Variants in ANKHD1 observed in about 807,000 individuals in gnomAD.
ANKHD1 encodes ankyrin repeat and KH domain-containing protein 1.
Under a neutral mutation model 230.5 loss-of-function variants are expected in ANKHD1, and 31 were observed. The observed-to-expected ratio is 0.13, with a 90% CI of 0.10 to 0.18. The LOEUF is 0.18. ANKHD1 is among the 10% of genes least tolerant of loss of function. The pLI is 1.00. For missense variants in ANKHD1, 2,256 were observed against 3,071.3 expected, an observed-to-expected ratio of 0.73 and a Z score of 6.27; for synonymous variants, 1,074 against 1,117.6, an observed-to-expected ratio of 0.96 and a Z score of 0.78.
At chr5:140,404,788 G>C (rs1041173859) in intron 1 of ANKHD1, among the ~76,000 whole-genome samples, 1 of 150,244 alleles carries the variant, frequency 6.7e-6, no homozygotes, top group Non-Finnish European at 1.5e-5. Flanking sequence ...TCAAACTCCT[G>C]GGCTCGGGTG....
chr5:140,484,974 T>A, intron 11 of ANKHD1, 147 bp from the exon 12 acceptor site: 1 of 1,287,532 alleles, frequency 7.8e-7, no homozygotes, highest in Middle Eastern at 3.0e-4. Flanking sequence ...GTGTTCATTT[T>A]GTGAAAAAAA....
At chr5:140,458,595 C>T (rs748856776) in intron 7 of ANKHD1, 30 bp from the exon 8 acceptor site, 1 of 1,569,820 alleles carries the variant, frequency 6.4e-7, no homozygotes, top group South Asian at 1.2e-5. Context: ...AAATTTCTCT[C>T]CTTCTTTCTT....
chr5:140,481,702 A>G (rs958946194), intron 10 of ANKHD1, among the ~76,000 whole-genome samples: 4 of 152,114 alleles, frequency 2.6e-5, no homozygotes, highest in African/African-American at 7.2e-5. Context: ...AGAAGAATAT[A>G]GCTGAAATAA....
At chr5:140,513,118 A>ATAG (rs1554093055) in intron 23 of ANKHD1, among the ~76,000 whole-genome samples, 195 bp downstream of exon 23, 1 of 152,236 alleles carries the variant, frequency 6.6e-6, no homozygotes, top group Non-Finnish European at 1.5e-5. Flanking sequence ...ACTGTGGACC[A>ATAG]TAGTCACAGT....
rs371538044 is a variant in ANKHD1, at chr5:140,445,905, T to C, written c.1077T>C (p.Asp359=). The change falls in exon 6 of 34, where the codon GAT becomes GAC. Residue 359 remains aspartate (D), a synonymous_variant. Transcript: ENST00000360839. ...TGGAAGTTGCAAGAGTTCTTTTAGA[T>C]CATGGTGCAGGCATCAACACTCATT... The part of the protein sequence containing the change: ...GHVEVARVLL[D]HGAGINTHSN... The C allele has an allele frequency of 1.8e-5, 29 of 1,613,392 alleles. No homozygotes were observed. The highest frequency in any genetic ancestry group is 1.6e-4 in the East Asian group (7 of 44,858).
chr5:140,523,108 C>CTTTT (rs374008554), intron 24 of ANKHD1, among the ~76,000 whole-genome samples: 3 of 93,494 alleles, frequency 3.2e-5, no homozygotes, highest in Non-Finnish European at 6.8e-5. Context: ...TTTCTTTTTC[C>CTTTT]TTTTTTTTTT....
chr5:140,437,109 G>A (rs1450095808), intron 2 of ANKHD1, among the ~76,000 whole-genome samples: 1 of 152,128 alleles, frequency 6.6e-6, no homozygotes, highest in Non-Finnish European at 1.5e-5. Flanking sequence ...TGTTATAAAT[G>A]AAGTAGGAAT....
chr5:140,513,542 C>G, intron 24 of ANKHD1, 63 bp downstream of exon 24: 1 of 1,542,730 alleles, frequency 6.5e-7, no homozygotes, highest in Non-Finnish European at 8.8e-7. Context: ...GGCACGGTGG[C>G]TCACGCCTAT....
intron 1 of ANKHD1, among the ~76,000 whole-genome samples, chr5:140,406,011 G>A (rs1188184935): frequency 2.6e-5 from 4 of 152,024 alleles, no homozygotes; most frequent in South Asian, 2.1e-4. Context: ...AGGCCAAGGC[G>A]GGTGGATCAG....
chr5:140,443,717 G>A (rs144048351), intron 5 of ANKHD1, among the ~76,000 whole-genome samples: 1 of 151,848 alleles, frequency 6.6e-6, no homozygotes, highest in Admixed American at 6.6e-5. Context: ...CAAAAAAGAG[G>A]GTACTGCCAA....
Position 140,477,763 on chromosome 5 carries a change from C to T in ANKHD1, c.1783-4817C>T, listed in dbSNP as rs569873729. ...AGTAGCTGGGATTACAGGCACCTGC[C>T]TCCGCGCCTGGGTAATTTTTGTATT... is the stretch of plus-strand genomic sequence containing the variant. On this transcript the variant is annotated intron_variant, in intron 10 of 33. Coordinates refer to ENST00000360839, the MANE Select transcript of ANKHD1 (RefSeq NM_017747.3). 4.1e-4 allele frequency among the ~76,000 whole-genome samples: 63 copies of T among 152,322 alleles called. 1 individual carries two copies. The highest frequency in any genetic ancestry group is 6.9e-4 in the Non-Finnish European group (47 of 68,022).
intron 10 of ANKHD1, among the ~76,000 whole-genome samples, chr5:140,469,415 G>A (rs1291839970): frequency 6.6e-6 from 1 of 151,888 alleles, no homozygotes; most frequent in Non-Finnish European, 1.5e-5. Context: ...GGAGGCTGAG[G>A]TGGATTGCTT....
intron 21 of ANKHD1, 26 bp from the exon 22 acceptor site, chr5:140,509,993 A>T: frequency 1.3e-6 from 2 of 1,577,378 alleles, no homozygotes; most frequent in Non-Finnish European, 8.6e-7. Flanking sequence ...TACAGGAAAC[A>T]AACTATTAAT....
chr5:140,454,501 T>C (rs1224909350), intron 7 of ANKHD1, among the ~76,000 whole-genome samples: 2 of 152,164 alleles, frequency 1.3e-5, no homozygotes, highest in African/African-American at 4.8e-5. Context: ...ACAGAGATTA[T>C]AACAAACTGT....
intron 13 of ANKHD1, 176 bp from the exon 14 acceptor site, chr5:140,486,782 A>G (rs536386624): frequency 2.0e-6 from 1 of 497,020 alleles, no homozygotes; most frequent in East Asian, 3.5e-5. Context: ...CCGACTGTCT[A>G]ATCATTAGTC....
Position 140,438,632 on chromosome 5 carries a change from A to C in ANKHD1, c.617+15A>C. On this transcript the variant is annotated intron_variant, in intron 3 of 33. Transcript: ENST00000360839. ...CAAGTGGACACGTATGTGTTTAATG[A>C]CTTTTGGATATTAGACATTTTCTTG... is the stretch of plus-strand genomic sequence containing the variant. The C allele has an allele frequency of 6.5e-7, 1 of 1,542,758 alleles. No homozygotes were observed. Among genetic ancestry groups the C allele is most frequent in the Non-Finnish European group, 8.8e-7 (1 of 1,139,464 alleles).
intron 17 of ANKHD1, 78 bp downstream of exon 17, chr5:140,505,311 TC>T: frequency 6.9e-7 from 1 of 1,439,320 alleles, no homozygotes; most frequent in Middle Eastern, 2.0e-4. Context: ...GATAAATAGT[TC>T]CTAGACTATC....
rs1376402481 is a variant in ANKHD1, at chr5:140,527,103, CT to C, written c.5087+32del. The C allele has an allele frequency of 6.3e-7, 1 of 1,591,106 alleles. No individual in the cohort carries two copies. Among genetic ancestry groups the C allele is most frequent in the East Asian group, 2.3e-5 (1 of 44,066 alleles). On this transcript the variant is annotated intron_variant, in intron 27 of 33. Coordinates refer to ENST00000360839, the MANE Select transcript of ANKHD1 (RefSeq NM_017747.3). The surrounding 1 kb of genome is among the most constrained non-coding windows in gnomAD (Gnocchi z 4.5). ...AATAGAATTAGTTCCATCTTTTTAG[CT>C]TTCATATATTTTCCCTTTCTCATGT...
intron 20 of ANKHD1, among the ~76,000 whole-genome samples, chr5:140,509,001 C>T (rs1752651285): frequency 2.0e-5 from 3 of 152,192 alleles, no homozygotes; most frequent in Admixed American, 6.5e-5. Flanking sequence ...CTGGAAATCT[C>T]GTACTTCTTC....
Sources: gnomAD v4.1 joint callset for allele counts (sites outside exome capture counted in the v4.1 genomes callset) on GRCh38, gnomAD v4.1.1 for gene constraint, Gnocchi (gnomAD v3.1) non-coding constraint, MANE v1.5 for transcripts, NCBI Gene and HGNC (gene_info 2026-07-23, HGNC 2026-07-21) for gene names.